RAB31: variants seen among roughly 807,000 people sequenced by gnomAD.
The protein encoded by RAB31 is RAB31, member RAS oncogene family, also known as ras-related protein Rab-31.
In RAB31, 21 loss-of-function variants were observed where a neutral mutation model predicts 25.6. That is an observed-to-expected ratio of 0.82 (90% CI 0.58 to 1.18). RAB31 has a LOEUF of 1.18. RAB31 is among the 50% of genes most tolerant of loss of function. The pLI is 0.00. For synonymous variants in RAB31, 87 were observed against 84.0 expected (o/e 1.04, Z -0.20); for missense variants, 196 against 250.1 (o/e 0.78, Z 1.46).
At chr18:9,709,095 A>T (rs2068002590) in intron 1 of RAB31, among the ~76,000 whole-genome samples, 1 of 152,170 alleles carries the variant, frequency 6.6e-6, no homozygotes, top group South Asian at 2.1e-4. Flanking sequence ...CTGCGGGTGA[A>T]AGAAGCTGCC....
chr18:9,740,600 C>G (rs1468216249), intron 1 of RAB31, among the ~76,000 whole-genome samples: 1 of 152,048 alleles, frequency 6.6e-6, no homozygotes, highest in Non-Finnish European at 1.5e-5. Context: ...GTAATCCCAG[C>G]TACTCAGGAG....
At chr18:9,738,263 C>T (rs2068160331) in intron 1 of RAB31, among the ~76,000 whole-genome samples, 1 of 152,118 alleles carries the variant, frequency 6.6e-6, no homozygotes, top group South Asian at 2.1e-4. Context: ...ATCTCTGGAG[C>T]AAAGAGTATT....
At chr18:9,771,595 G>T (rs565592946) in intron 1 of RAB31, among the ~76,000 whole-genome samples, 34 of 152,310 alleles carry the variant, frequency 2.2e-4, no homozygotes, top group Admixed American at 1.8e-3. Context: ...GCGGGGAAGG[G>T]CATTCCCAGC....
chr18:9,721,139 G>C (rs532500689), intron 1 of RAB31, among the ~76,000 whole-genome samples: 3 of 152,194 alleles, frequency 2.0e-5, no homozygotes, highest in South Asian at 2.1e-4. Flanking sequence ...CCGTCTTAGG[G>C]TTCTACAGGT....
intron 1 of RAB31, among the ~76,000 whole-genome samples, chr18:9,724,281 AAAAAAAC>A (rs2068086848): frequency 8.1e-6 from 1 of 123,748 alleles, no homozygotes; most frequent in African/African-American, 3.2e-5. Flanking sequence ...AAAAAAAAAA[AAAAAAAC>A]AAAAAAAAAA....
chr18:9,849,220 C>T (rs1003590965), intron 6 of RAB31, among the ~76,000 whole-genome samples: 9 of 152,040 alleles, frequency 5.9e-5, no homozygotes, highest in Non-Finnish European at 1.2e-4. Flanking sequence ...GACACTTAAA[C>T]ATATTTTATC....
At chr18:9,822,827 C>T (rs561350442) in intron 5 of RAB31, among the ~76,000 whole-genome samples, 1 of 152,278 alleles carries the variant, frequency 6.6e-6, no homozygotes, top group Non-Finnish European at 1.5e-5. Context: ...TGCAAAATGG[C>T]ACAGCCACTC....
intron 5 of RAB31, among the ~76,000 whole-genome samples, chr18:9,835,092 C>T (rs1029105554): frequency 3.3e-5 from 5 of 152,196 alleles, no homozygotes; most frequent in African/African-American, 1.2e-4. Flanking sequence ...ATCTTATCAA[C>T]AAGGAAACCG....
chr18:9,732,545 A>C (rs999121678), intron 1 of RAB31, among the ~76,000 whole-genome samples: 2 of 152,118 alleles, frequency 1.3e-5, no homozygotes, highest in African/African-American at 4.8e-5. Context: ...TGGAACTTGT[A>C]CCCAGGCTTG....
At chr18:9,728,531 TTTTG>T (rs201642226) in intron 1 of RAB31, among the ~76,000 whole-genome samples, 5 of 152,178 alleles carry the variant, frequency 3.3e-5, no homozygotes, top group East Asian at 1.9e-4. Flanking sequence ...TAACCTAATT[TTTTG>T]TTTGTTTGTT....
intron 1 of RAB31, among the ~76,000 whole-genome samples, chr18:9,715,199 TG>T (rs1452080534): frequency 6.6e-6 from 1 of 151,766 alleles, no homozygotes. Flanking sequence ...AGTGGGGAGT[TG>T]GGAAGGTTTC....
At chr18:9,729,804 A>G (rs777312223) in intron 1 of RAB31, among the ~76,000 whole-genome samples, 12 of 152,154 alleles carry the variant, frequency 7.9e-5, no homozygotes, top group Non-Finnish European at 1.8e-4. Flanking sequence ...GTTCTATTAA[A>G]ATTTTAATTA....
chr18:9,771,231 C>T, intron 1 of RAB31, among the ~76,000 whole-genome samples: 1 of 152,064 alleles, frequency 6.6e-6, no homozygotes, highest in East Asian at 1.9e-4. Flanking sequence ...TAGTGAGAGC[C>T]TTAAGAGGTT....
intron 1 of RAB31, among the ~76,000 whole-genome samples, chr18:9,724,624 C>T (rs539724282): frequency 6.6e-6 from 1 of 152,306 alleles, no homozygotes; most frequent in Non-Finnish European, 1.5e-5. Context: ...TCGGCAACAT[C>T]AGGAATGATT....
rs2068317766 is a variant in RAB31 at position 9,766,620 on chromosome 18, C to G, written c.40-8658C>G. ...GCCCTGTACAGGCCTCCTGAATTCC[C>G]TAACTTAACTCCTTGTCAATGCTGA... is the stretch of plus-strand genomic sequence containing the variant. On this transcript the variant is annotated intron_variant, in intron 1 of 6. Coordinates refer to ENST00000578921, the MANE Select transcript of RAB31 (RefSeq NM_006868.4). This position sits in a 1 kb window ranked among gnomAD's most constrained non-coding sequence, Gnocchi z 4.3. 6.6e-6 allele frequency among the ~76,000 whole-genome samples: 1 copy of G among 152,166 alleles called. No homozygotes were observed. Among genetic ancestry groups the G allele is most frequent in the Non-Finnish European group, 1.5e-5 (1 of 68,036 alleles).
At chr18:9,858,935 C>A (rs920802523) in intron 6 of RAB31, among the ~76,000 whole-genome samples, 2 of 151,944 alleles carry the variant, frequency 1.3e-5, no homozygotes, top group Non-Finnish European at 2.9e-5. Flanking sequence ...GGAGCTGCCC[C>A]CAGGAGTGGA....
At chr18:9,736,297 A>G (rs1386813000) in intron 1 of RAB31, among the ~76,000 whole-genome samples, 2 of 152,160 alleles carry the variant, frequency 1.3e-5, no homozygotes, top group African/African-American at 2.4e-5. Context: ...TTTTGATTCT[A>G]GCATTTAGAT....
chr18:9,799,032 TGA>T (rs2068500960), intron 3 of RAB31, among the ~76,000 whole-genome samples: 1 of 152,138 alleles, frequency 6.6e-6, no homozygotes, highest in South Asian at 2.1e-4. Flanking sequence ...TGCAGTGAGC[TGA>T]GATTGCACCA....
At chr18:9,823,722 A>G (rs2068635118) in intron 5 of RAB31, among the ~76,000 whole-genome samples, 1 of 152,252 alleles carries the variant, frequency 6.6e-6, no homozygotes, top group Non-Finnish European at 1.5e-5. Context: ...AGGGGGATGT[A>G]TTTGACAAAA....
Sources: gnomAD v4.1 joint callset for allele counts (sites outside exome capture counted in the v4.1 genomes callset) on GRCh38, gnomAD v4.1.1 for gene constraint, Gnocchi (gnomAD v3.1) non-coding constraint, MANE v1.5 for transcripts, NCBI Gene and HGNC (gene_info 2026-07-23, HGNC 2026-07-21) for gene names.